Variants in REPS1 observed in about 807,000 individuals in gnomAD.
REPS1 encodes the protein RALBP1 associated Eps domain containing 1, also known as ralBP1-associated Eps domain-containing protein 1.
In REPS1, 39 loss-of-function variants were observed where a neutral mutation model predicts 100.9. The ratio of observed to expected loss-of-function variants is 0.39; its 90% CI spans 0.30 to 0.50. REPS1 has a LOEUF of 0.50. Ranked by LOEUF, REPS1 falls within the 20% of genes least tolerant of loss-of-function variation. REPS1 has a pLI of 0.86. For synonymous variants in REPS1, 324 were observed against 340.3 expected, an observed-to-expected ratio of 0.95 and a Z score of 0.53; for missense variants, 821 against 968.5, an observed-to-expected ratio of 0.85 and a Z score of 2.02.
At chr6:138,926,524 T>C (rs749587003) in intron 9 of REPS1, 43 bp from the exon 10 acceptor site, 9 of 1,380,942 alleles carry the variant, frequency 6.5e-6, no homozygotes, top group African/African-American at 2.8e-5. Flanking sequence ...ATGAGAAAGA[T>C]GGAGTAAAAG....
In REPS1 at chr6:138,911,330, G is replaced by A. The variant is rs1248355845; in HGVS notation, c.2013C>T (p.Ala671=). The change falls in exon 17 of 20, where the codon GCC becomes GCT. Residue 671 remains alanine, a synonymous_variant. Coordinates refer to ENST00000450536, the MANE Select transcript of REPS1 (RefSeq NM_001286611.2). The part of the protein sequence containing the change: ...ASDPASSLRV[A]KTDSKTEEKT... ...TTTCTTCAGTTTTACTATCTGTTTT[G>A]GCAACTCGAAGAGAACTTGCAGGAT... 6.2e-7 allele frequency: 1 copy of A among 1,613,554 alleles called. No homozygotes were observed. Among genetic ancestry groups the A allele is most frequent in the Non-Finnish European group, 8.5e-7 (1 of 1,179,704 alleles).
chr6:138,936,889 C>G (rs1010563189), intron 8 of REPS1, among the ~76,000 whole-genome samples: 1 of 152,118 alleles, frequency 6.6e-6, no homozygotes, highest in Non-Finnish European at 1.5e-5. Context: ...TTATGGAATA[C>G]CTTGAATCAT....
At chr6:138,916,134 G>GT (rs1483791185) in intron 13 of REPS1, 158 bp from the exon 14 acceptor site, 1 of 587,124 alleles carries the variant, frequency 1.7e-6, no homozygotes, top group African/African-American at 1.9e-5. Flanking sequence ...AGATAGCACT[G>GT]TTTATGATGT....
chr6:138,933,816 G>GT, intron 8 of REPS1, among the ~76,000 whole-genome samples: 1 of 152,006 alleles, frequency 6.6e-6, no homozygotes, highest in East Asian at 1.9e-4. Context: ...TTCTAATAAT[G>GT]TAAGTATTGA....
chr6:138,967,664 T>C (rs1290224189), intron 1 of REPS1, among the ~76,000 whole-genome samples: 1 of 152,106 alleles, frequency 6.6e-6, no homozygotes, highest in Non-Finnish European at 1.5e-5. Context: ...TTATACTCAG[T>C]AGGTACTTAA....
intron 2 of REPS1, 101 bp from the exon 3 acceptor site, chr6:138,945,798 G>A: frequency 1.0e-6 from 1 of 990,450 alleles, no homozygotes; most frequent in Non-Finnish European, 1.4e-6. Context: ...TTGTAAAAAT[G>A]GATACAGAAA....
chr6:138,930,337 G>C (rs1781412506), intron 8 of REPS1, among the ~76,000 whole-genome samples: 1 of 152,118 alleles, frequency 6.6e-6, no homozygotes, highest in Admixed American at 6.6e-5. Context: ...GGAATAAAAA[G>C]AAGGTTATAC....
At chr6:138,955,459 T>A (rs146640833) in intron 1 of REPS1, among the ~76,000 whole-genome samples, 1,490 of 114,660 alleles carry the variant, frequency 0.013, 4 homozygotes, top group African/African-American at 0.019. Context: ...AAAAAAAAAG[T>A]GTGTGTGTGT....
chr6:138,926,328 TA>T, intron 10 of REPS1, 72 bp downstream of exon 10: 2 of 1,149,022 alleles, frequency 1.7e-6, no homozygotes, highest in African/African-American at 1.5e-5. Flanking sequence ...GCATATCAGC[TA>T]AAAACGATAA....
intron 9 of REPS1, chr6:138,927,071 T>C (rs1371780650): frequency 1.3e-5 from 2 of 152,288 alleles, no homozygotes; most frequent in Admixed American, 1.3e-4. Context: ...GTAGAGCTTA[T>C]GTCAATCTGT....
At chr6:138,943,784 T>A (rs902099641) in intron 6 of REPS1, 69 bp downstream of exon 6, 12 of 1,319,344 alleles carry the variant, frequency 9.1e-6, no homozygotes, top group African/African-American at 1.5e-5. Context: ...AATAAAACAA[T>A]GTCTTTGATA....
At chr6:138,972,683 T>TAA (rs11330627) in intron 1 of REPS1, among the ~76,000 whole-genome samples, 148 of 133,088 alleles carry the variant, frequency 1.1e-3, no homozygotes, top group African/African-American at 2.9e-3. Flanking sequence ...ACAATACCAC[T>TAA]AAAAAAAAAA....
intron 1 of REPS1, among the ~76,000 whole-genome samples, chr6:138,950,574 T>G (rs1029889187): frequency 5.9e-5 from 9 of 152,242 alleles, no homozygotes; most frequent in Admixed American, 5.9e-4. Flanking sequence ...TATATGTGCT[T>G]ATTTCTGGGC....
At chr6:138,930,128 T>C (rs1582755904) in intron 8 of REPS1, 30 bp from the exon 9 acceptor site, 1 of 1,601,626 alleles carries the variant, frequency 6.2e-7, no homozygotes, top group Non-Finnish European at 8.5e-7. Context: ...AAATTCTCTA[T>C]AAAGACTACA....
chr6:138,911,831 G>C (rs894229165), intron 16 of REPS1, among the ~76,000 whole-genome samples: 2 of 151,654 alleles, frequency 1.3e-5, no homozygotes, highest in Non-Finnish European at 1.5e-5. Flanking sequence ...CTATGTAATA[G>C]ATGTGTGAGG....
intron 8 of REPS1, among the ~76,000 whole-genome samples, chr6:138,938,428 C>T (rs1477203028): frequency 6.6e-6 from 1 of 151,942 alleles, no homozygotes; most frequent in Non-Finnish European, 1.5e-5. Context: ...CAGTATGTTC[C>T]AACATCATAA....
At chr6:138,944,176 G>C (rs1237443321) in intron 5 of REPS1, among the ~76,000 whole-genome samples, 161 bp from the exon 6 acceptor site, 1 of 152,136 alleles carries the variant, frequency 6.6e-6, no homozygotes, top group Non-Finnish European at 1.5e-5. Context: ...ATATGTTTTT[G>C]CACAATGATT....
chr6:138,923,799 A>G lies in REPS1; in HGVS notation c.1338+2602T>C, dbSNP rs1780931432. 2.0e-5 allele frequency among the ~76,000 whole-genome samples: 3 copies of G among 152,330 alleles called. No individual in the cohort carries two copies. The East Asian group carries it at 5.8e-4, about 29-fold the overall frequency. ...TCTAAATGCTACAGACCAGTTTGGA[A>G]CTTTGCACTGACTTTTACTGAGCAA... is the stretch of plus-strand genomic sequence containing the variant. On this transcript the variant is annotated intron_variant, in intron 10 of 19. Coordinates refer to ENST00000450536, the MANE Select transcript of REPS1 (RefSeq NM_001286611.2).
chr6:138,938,480 C>T (rs1339891698), intron 8 of REPS1, among the ~76,000 whole-genome samples: 1 of 152,016 alleles, frequency 6.6e-6, no homozygotes, highest in Non-Finnish European at 1.5e-5. Flanking sequence ...GGTAGAAAAA[C>T]GTCAAGAAAA....
Sources: allele counts gnomAD v4.1 joint callset (sites outside exome capture counted in the v4.1 genomes callset), GRCh38; gene constraint gnomAD v4.1.1; transcripts MANE v1.5; gene names NCBI Gene and HGNC (gene_info 2026-07-23, HGNC 2026-07-21).